Variants in STAR observed in about 807,000 individuals in gnomAD.
STAR encodes steroidogenic acute regulatory protein, mitochondrial.
STAR carries 32 observed loss-of-function variants against 32.3 expected under a neutral mutation model. The ratio of observed to expected loss-of-function variants is 0.99; its 90% CI spans 0.75 to 1.33. The LOEUF (loss-of-function observed/expected upper bound fraction) is 1.33, where lower values mean the gene tolerates loss of function less well. STAR is among the 40% of genes most tolerant of loss of function. The pLI is 0.00. For missense variants in STAR, 375 were observed against 379.0 expected (o/e 0.99, Z 0.09); for synonymous variants, 134 against 140.5 (o/e 0.95, Z 0.33).
In STAR at chr8:38,146,382, G is replaced by A. The variant is rs758208534; in HGVS notation, c.372C>T (p.Val124=). The part of the protein sequence containing the change: ...PDVGKVFRLE[V]VVDQPMERLY... ...GCCTCTCCATGGGCTGGTCCACCAC[G>A]ACCTCCAGCCGGAACACCTTGCCCA... The change falls in exon 4 of 7, where the codon GTC becomes GTT. Residue 124 remains valine (V), a synonymous_variant. Coordinates refer to ENST00000276449, the MANE Select transcript of STAR (RefSeq NM_000349.3). 9.3e-6 allele frequency: 15 copies of A among 1,614,052 alleles called. No homozygotes were observed. Among genetic ancestry groups the A allele is most frequent in the East Asian group, 2.2e-5 (1 of 44,878 alleles).
rs1802516648 is a variant in STAR, at chr8:38,144,098, T to C, written c.*175A>G. On this transcript the variant is annotated 3_prime_UTR_variant, in exon 7 of 7. Transcript: ENST00000276449. ...ATCCAAGAGCCTCATCCCTGTTTTC[T>C]TGGTACTAAAAACTTTCACCAATCT... 1 of 681,470 alleles carries C rather than the reference T, an allele frequency of 1.5e-6. No homozygotes were observed. Among genetic ancestry groups the C allele is most frequent in the Non-Finnish European group, 2.6e-6 (1 of 379,846 alleles). The allele number at this position is 681,470 out of a possible 1,614,324, so 42.2% of individuals were successfully genotyped here.
rs1163211995 is a variant in STAR, at chr8:38,150,936, C to CT, written c.-119dup. The CT allele has an allele frequency of 1.3e-6, 2 of 1,593,172 alleles. No homozygotes were observed. Among genetic ancestry groups the CT allele is most frequent in the African/African-American group, 1.3e-5 (1 of 74,756 alleles). On this transcript the variant is annotated 5_prime_UTR_variant, in exon 1 of 7. Coordinates refer to ENST00000276449, the MANE Select transcript of STAR (RefSeq NM_000349.3). ...TTCCTGAGCCCCTCAAGCTTCGCCT[C>CT]TGAGTCCCGCAGCTGCAGCCTGGAC...
intron 6 of STAR, chr8:38,144,601 C>G: frequency 1.4e-6 from 2 of 1,395,988 alleles, no homozygotes; most frequent in East Asian, 2.9e-5. Context: ...ATGTTTCAGC[C>G]TGGTGTTCCC....
At position 38,146,109 on chromosome 8, in the gene STAR, G is replaced by C. The variant is rs147138315; in HGVS notation, c.504C>G (p.His168Gln). Residue 168 changes from histidine to glutamine, a missense_variant, in exon 5 of 7, where the codon CAC becomes CAG. Coordinates refer to ENST00000276449, the MANE Select transcript of STAR (RefSeq NM_000349.3). The stretch of plus-strand genomic sequence containing the variant: ...TTCCTGCTGCCTCGGCAGCCAGCTC[G>C]TGAGTAATGAATGTATCTTTTCCGA... ...QKIGKDTFIT[H>Q]ELAAEAAGNL... 6.2e-7 allele frequency: 1 copy of C among 1,614,146 alleles called. No individual in the cohort carries two copies. The highest frequency in any genetic ancestry group is 1.1e-5 in the South Asian group (1 of 91,082).
intron 5 of STAR, 58 bp downstream of exon 5, chr8:38,145,905 T>C: frequency 1.2e-6 from 2 of 1,605,572 alleles, no homozygotes; most frequent in South Asian, 2.2e-5. Context: ...CATGCTTGGG[T>C]GCACACCTGC....
At chr8:38,148,510 G>T in intron 2 of STAR, 131 bp downstream of exon 2, 1 of 1,328,348 alleles carries the variant, frequency 7.5e-7, no homozygotes, top group East Asian at 2.4e-5. Context: ...TGGCCTTGAG[G>T]AACTCTAGGC....
intron 6 of STAR, chr8:38,144,642 C>T: frequency 1.5e-6 from 2 of 1,301,860 alleles, no homozygotes; most frequent in Non-Finnish European, 2.0e-6. Flanking sequence ...GTTATGTTGC[C>T]TTTTTCACCC....
In STAR at chr8:38,146,162, G is replaced by A. The variant is rs201826448; in HGVS notation, c.466-15C>T. On this transcript the variant is annotated splice_polypyrimidine_tract_variant and intron_variant, in intron 4 of 6. Coordinates refer to ENST00000276449, the MANE Select transcript of STAR (RefSeq NM_000349.3). Reference sequence around the variant, plus strand: ...TTCTGCAGGACCTACCAGGCCATGGGGAACCAGAATCACGACTCAGCCTGT... The same window carrying A: ...TTCTGCAGGACCTACCAGGCCATGGAGAACCAGAATCACGACTCAGCCTGT... The A allele has an allele frequency of 3.1e-4, 500 of 1,613,778 alleles. No homozygotes were observed. The African/African-American group carries it at 4.9e-3, about 16-fold the overall frequency.
chr8:38,149,462 G>C (rs1802631958), intron 1 of STAR, among the ~76,000 whole-genome samples: 1 of 152,180 alleles, frequency 6.6e-6, no homozygotes, highest in South Asian at 2.1e-4. Context: ...GCCTCTTGTA[G>C]CTGGTTTCTG....
At chr8:38,145,881 G>A (rs549988540) in intron 5 of STAR, 82 bp downstream of exon 5, 4 of 1,567,368 alleles carry the variant, frequency 2.6e-6, no homozygotes, top group Non-Finnish European at 3.5e-6. Flanking sequence ...TCTTGGAGCT[G>A]GGGATGCAGT....
chr8:38,146,647 C>T (rs188159269), intron 3 of STAR, among the ~76,000 whole-genome samples, 200 bp from the exon 4 acceptor site: 4 of 151,892 alleles, frequency 2.6e-5, no homozygotes, highest in East Asian at 1.9e-4. Context: ...TGGTGGCAGG[C>T]GCCTGTAATC....
intron 3 of STAR, among the ~76,000 whole-genome samples, chr8:38,147,870 G>A (rs1020382305): frequency 3.9e-5 from 6 of 152,214 alleles, no homozygotes; most frequent in Non-Finnish European, 7.3e-5. Context: ...AGTGCACTTT[G>A]GCATCGTTGG....
chr8:38,144,887 T>C (rs1802535736), intron 6 of STAR: 1 of 711,856 alleles, frequency 1.4e-6, no homozygotes, highest in East Asian at 5.6e-5. Context: ...CACACGCCTG[T>C]AGTTCCAGCT....
chr8:38,144,420 G>A, intron 6 of STAR, 34 bp from the exon 7 acceptor site: 1 of 1,558,892 alleles, frequency 6.4e-7, no homozygotes, highest in Non-Finnish European at 8.7e-7. Flanking sequence ...TGGCCATCTT[G>A]TGGGTTTTGG....
At chr8:38,145,029 A>G (rs1000622605) in intron 6 of STAR, 193 bp downstream of exon 6, 43 of 1,363,782 alleles carry the variant, frequency 3.2e-5, no homozygotes, top group Admixed American at 3.1e-5. Flanking sequence ...AAAAAAAAAA[A>G]GAAGAGGGGG....
At chr8:38,149,936 C>T (rs796928092) in intron 1 of STAR, among the ~76,000 whole-genome samples, 2 of 152,076 alleles carry the variant, frequency 1.3e-5, no homozygotes, top group Admixed American at 6.6e-5. Context: ...GTCTGGTCGA[C>T]GTGGCGAAAC....
In STAR at chr8:38,148,378, A is replaced by G. The variant is rs1253119641; in HGVS notation, c.179-51T>C. On this transcript the variant is annotated intron_variant, in intron 2 of 6. Coordinates refer to ENST00000276449, the MANE Select transcript of STAR (RefSeq NM_000349.3). ...GAGCTTCCTTCTTCTCCCAGCCTCCACCAGCTCTCATCCCTGGAGCTCTGG... is the reference window on the plus strand; with the variant it reads ...GAGCTTCCTTCTTCTCCCAGCCTCCGCCAGCTCTCATCCCTGGAGCTCTGG... The G allele has an allele frequency of 3.1e-6, 5 of 1,610,244 alleles. No individual in the cohort carries two copies. In the South Asian group the frequency reaches 5.5e-5, roughly 18 times the overall value.
chr8:38,146,584 T>C, intron 3 of STAR, 137 bp from the exon 4 acceptor site: 1 of 897,266 alleles, frequency 1.1e-6, no homozygotes, highest in Non-Finnish European at 1.7e-6. Flanking sequence ...GAGACCAGCC[T>C]GGCCAAGATG....
rs1261232301 is a variant in STAR at position 38,143,309 on chromosome 8, T to A, written c.*964A>T. On this transcript the variant is annotated 3_prime_UTR_variant, in exon 7 of 7. Coordinates refer to ENST00000276449, the MANE Select transcript of STAR (RefSeq NM_000349.3). Reference sequence around the variant, plus strand: ...AGTTGTAATCTACTAGCATAGATTTTTTTTTTTTTTTTTTTGAGATGGAGT... The same window carrying A: ...AGTTGTAATCTACTAGCATAGATTTATTTTTTTTTTTTTTTGAGATGGAGT... Among the ~76,000 whole-genome samples the A allele has an allele frequency of 6.7e-6, 1 of 149,178 alleles. No individual in the cohort carries two copies. Among genetic ancestry groups the A allele is most frequent in the Non-Finnish European group, 1.5e-5 (1 of 67,362 alleles).
Sources: gnomAD v4.1 joint callset for allele counts (sites outside exome capture counted in the v4.1 genomes callset) on GRCh38, gnomAD v4.1.1 for gene constraint, MANE v1.5 for transcripts, NCBI Gene and HGNC (gene_info 2026-07-23, HGNC 2026-07-21) for gene names.